Variants in KIF16B observed in about 807,000 individuals in gnomAD.
KIF16B encodes kinesin family member 16B.
A neutral mutation model predicts 156.3 loss-of-function variants in KIF16B; 98 were observed. The ratio of observed to expected loss-of-function variants is 0.63; its 90% CI spans 0.53 to 0.74. The LOEUF is 0.74. Ranked by LOEUF, KIF16B falls within the 30% of genes least tolerant of loss-of-function variation. The pLI is 0.00. For synonymous variants in KIF16B, 564 were observed against 583.7 expected, an observed-to-expected ratio of 0.97 and a Z score of 0.49; for missense variants, 1,421 against 1,606.5, an observed-to-expected ratio of 0.88 and a Z score of 1.97.
At chr20:16,481,246 G>C (rs1217585042) in intron 12 of KIF16B, among the ~76,000 whole-genome samples, 1 of 151,556 alleles carries the variant, frequency 6.6e-6, no homozygotes, top group Non-Finnish European at 1.5e-5. Context: ...GCCCTGGCTG[G>C]AGTACAGTGA....
At chr20:16,487,612 A>G (rs1490055183) in intron 12 of KIF16B, among the ~76,000 whole-genome samples, 6 of 152,200 alleles carry the variant, frequency 3.9e-5, no homozygotes, top group Non-Finnish European at 8.8e-5. Flanking sequence ...GGTTGAAAGC[A>G]TGCCTCCCCA....
At chr20:16,385,089 C>G (rs923889770) in intron 17 of KIF16B, among the ~76,000 whole-genome samples, 1 of 151,272 alleles carries the variant, frequency 6.6e-6, no homozygotes, top group Admixed American at 6.6e-5. Context: ...CCCAGCTACT[C>G]GGGAGGCTGA....
chr20:16,318,549 C>T (rs185625859), intron 24 of KIF16B, among the ~76,000 whole-genome samples: 15 of 152,156 alleles, frequency 9.9e-5, no homozygotes, highest in East Asian at 1.9e-4. Context: ...ACACAAGACG[C>T]GGTGTCTCAA....
At chr20:16,288,807 T>C (rs1288974896) in intron 25 of KIF16B, among the ~76,000 whole-genome samples, 2 of 151,916 alleles carry the variant, frequency 1.3e-5, no homozygotes, top group Non-Finnish European at 2.9e-5. Context: ...AAACACAGTA[T>C]GTACTGGTGA....
Position 16,381,725 on chromosome 20 carries a change from G to T in KIF16B, c.1807C>A (p.Arg603Ser). Residue 603 changes from arginine to serine, a missense_variant, in exon 18 of 26, where the codon CGT becomes AGT. Coordinates refer to ENST00000354981, the MANE Select transcript of KIF16B (RefSeq NM_024704.5). ...CTTTCTAATTTTTCAAGTTCTTCAC[G>T]CTGTTGCCTCTCAAATTCAAGTCTA... ...NPGLEFERQQ[R>S]EELEKLESKR... 1 of 1,611,722 alleles carries T rather than the reference G, an allele frequency of 6.2e-7. No individual in the cohort carries two copies. Among genetic ancestry groups the T allele is most frequent in the Non-Finnish European group, 8.5e-7 (1 of 1,178,726 alleles).
chr20:16,525,985 T>C (rs1167996985), intron 3 of KIF16B, 107 bp downstream of exon 3: 2 of 611,660 alleles, frequency 3.3e-6, no homozygotes, highest in African/African-American at 3.8e-5. Context: ...TATACAAAAA[T>C]TACATTCAGA....
intron 10 of KIF16B, among the ~76,000 whole-genome samples, chr20:16,501,295 TTG>T (rs2068615488): frequency 1.1e-5 from 1 of 89,002 alleles, no homozygotes; most frequent in Admixed American, 1.1e-4. Flanking sequence ...ATACCAAGAA[TTG>T]AATTCTTGGT....
chr20:16,483,163 AT>A (rs978328742), intron 12 of KIF16B, among the ~76,000 whole-genome samples: 1 of 152,268 alleles, frequency 6.6e-6, no homozygotes, highest in Admixed American at 6.5e-5. Context: ...CTCCCTTTGC[AT>A]TCTGAGGGTA....
At chr20:16,326,701 G>T (rs905247092) in intron 24 of KIF16B, among the ~76,000 whole-genome samples, 1 of 151,814 alleles carries the variant, frequency 6.6e-6, no homozygotes, top group African/African-American at 2.4e-5. Flanking sequence ...TGGTAAAAAG[G>T]GAACACTTTT....
chr20:16,314,589 C>T (rs1051438440), intron 24 of KIF16B, among the ~76,000 whole-genome samples: 7 of 152,208 alleles, frequency 4.6e-5, no homozygotes, highest in Non-Finnish European at 8.8e-5. Context: ...TGACCACTAA[C>T]CAGCTTACTA....
At chr20:16,534,774 G>A (rs148416851) in intron 1 of KIF16B, among the ~76,000 whole-genome samples, 8 of 152,074 alleles carry the variant, frequency 5.3e-5, no homozygotes, top group African/African-American at 1.4e-4. Context: ...CCCAATGTAC[G>A]TTCTTGGTGG....
chr20:16,554,246 T>G lies in KIF16B; in HGVS notation c.47+18983A>C, dbSNP rs180926610. On this transcript the variant is annotated intron_variant, in intron 1 of 25. Transcript: ENST00000354981. ...ACCCATAGCCACCTATGGACCAATC[T>G]GCACATATTTCCTCCCCTATGAGGC... Among the ~76,000 whole-genome samples the G allele has an allele frequency of 8.7e-4, 133 of 152,272 alleles. 1 individual carries two copies. The highest frequency in any genetic ancestry group is 1.6e-3 in the Non-Finnish European group (110 of 68,012).
At chr20:16,304,681 G>T (rs546103724) in intron 25 of KIF16B, among the ~76,000 whole-genome samples, 2 of 152,310 alleles carry the variant, frequency 1.3e-5, no homozygotes, top group South Asian at 4.1e-4. Flanking sequence ...AAGATCAGCA[G>T]AGAATAGATG....
chr20:16,313,223 T>TCG (rs1216968986), intron 24 of KIF16B, among the ~76,000 whole-genome samples: 1 of 152,140 alleles, frequency 6.6e-6, no homozygotes, highest in East Asian at 1.9e-4. Context: ...CCTTCCTTTC[T>TCG]CAATTTGTCA....
chr20:16,559,848 T>C (rs2070994737), intron 1 of KIF16B, among the ~76,000 whole-genome samples: 1 of 152,148 alleles, frequency 6.6e-6, no homozygotes. Context: ...CTGGACCAGA[T>C]AAAAGACATT....
chr20:16,573,414 TC>T lies in KIF16B; in HGVS notation c.-140del. Reference sequence around the variant, plus strand: ...CTCTGCTCCCGGCCGGACCTGGAGTTCCGCGGCAGCCCCACCTGCCAGGCCA... The same window carrying T: ...CTCTGCTCCCGGCCGGACCTGGAGTTCGCGGCAGCCCCACCTGCCAGGCCA... On this transcript the variant is annotated 5_prime_UTR_variant, in exon 1 of 26. The change abolishes the stop of an existing upstream ORF in the 5' untranslated region. Coordinates refer to ENST00000354981, the MANE Select transcript of KIF16B (RefSeq NM_024704.5). 1.1e-6 allele frequency: 1 copy of T among 921,424 alleles called. No homozygotes were observed. Among genetic ancestry groups the T allele is most frequent in the East Asian group, 2.8e-5 (1 of 36,254 alleles). 57.1% of individuals were successfully genotyped at this position (921,424 alleles called of 1,614,324 possible).
intron 25 of KIF16B, among the ~76,000 whole-genome samples, chr20:16,286,887 T>C (rs1601493408): frequency 1.3e-5 from 2 of 152,200 alleles, no homozygotes; most frequent in Non-Finnish European, 2.9e-5. Context: ...TTTTAGCCAA[T>C]AGAATGCACT....
intron 15 of KIF16B, among the ~76,000 whole-genome samples, chr20:16,422,947 A>G (rs781298252): frequency 1.2e-4 from 19 of 152,126 alleles, no homozygotes; most frequent in Non-Finnish European, 2.1e-4. Flanking sequence ...AGACACTCCA[A>G]TGAAAATAGA....
Position 16,506,628 on chromosome 20 carries a change from T to C in KIF16B, c.700-438A>G, listed in dbSNP as rs953877426. ...ACCATTATCGGATGTTAAAACATCT[T>C]GTTGCACAAATTATTTCTTTTAATG... is the stretch of plus-strand genomic sequence containing the variant. On this transcript the variant is annotated intron_variant, in intron 7 of 25. Coordinates refer to ENST00000354981, the MANE Select transcript of KIF16B (RefSeq NM_024704.5). 9.3e-4 allele frequency among the ~76,000 whole-genome samples: 142 copies of C among 152,358 alleles called. 1 individual carries two copies. The highest frequency in any genetic ancestry group is 2.2e-3 in the Admixed American group (33 of 15,300).
Sources: gnomAD v4.1 joint callset for allele counts (sites outside exome capture counted in the v4.1 genomes callset) on GRCh38, gnomAD v4.1.1 for gene constraint, MANE v1.5 for transcripts, NCBI Gene and HGNC (gene_info 2026-07-23, HGNC 2026-07-21) for gene names.